The following LONRF3 variants were observed in gnomAD, a reference collection of about 807,000 sequenced individuals.
LONRF3 encodes the protein LON peptidase N-terminal domain and ring finger 3.
A neutral mutation model predicts 51.7 loss-of-function variants in LONRF3; 19 were observed. That is an observed-to-expected ratio of 0.37 (90% confidence interval 0.26 to 0.54). The LOEUF is 0.54. Among genes scored for constraint, LONRF3 ranks in the 20% least tolerant of loss-of-function variants. LONRF3 has a pLI of 0.86. For synonymous variants in LONRF3, 265 were observed against 257.8 expected (o/e 1.03, Z -0.27); for missense variants, 521 against 623.9 (o/e 0.84, Z 1.76).
At chrX:118,979,537 GC>G (rs201381722) in intron 2 of LONRF3, among the ~76,000 whole-genome samples, 9,789 of 111,401 alleles carry the variant, frequency 0.088, 718 homozygotes, top group East Asian at 0.45. Context: ...CAATCCACTT[GC>G]CTCAGTCTCC....
intron 5 of LONRF3, among the ~76,000 whole-genome samples, chrX:119,005,744 G>C (rs1015936790): frequency 2.7e-5 from 3 of 111,669 alleles, no homozygotes; most frequent in African/African-American, 6.5e-5. Flanking sequence ...GTGTTTGTGT[G>C]TGTGTGTTTA....
In LONRF3 at chrX:118,975,018, CG is replaced by C; in HGVS notation, c.243del (p.Arg82GlufsTer121). 8.5e-7 allele frequency: 1 copy of C among 1,172,505 alleles called. No homozygotes were observed. Among genetic ancestry groups the C allele is most frequent in the Non-Finnish European group, 1.1e-6 (1 of 875,886 alleles). On this transcript the variant is annotated frameshift_variant, in exon 1 of 11. Transcript: ENST00000371628. LOFTEE classifies it high-confidence loss of function. ...CACGCAGGCAGACGCCTTGGCGTCC[CG>C]GGGGCGAATCCGTGAAGCCCTCGAG... is the stretch of plus-strand genomic sequence containing the variant. ...LLTQADALAS[R>X]GRIREALEVY...
In LONRF3 at chrX:119,013,800, T is replaced by C. The variant is rs1213634371; in HGVS notation, c.1975-407T>C. 9.8e-5 allele frequency among the ~76,000 whole-genome samples: 11 copies of C among 112,097 alleles called. No homozygotes were observed. The East Asian group carries it at 3.1e-3, about 31-fold the overall frequency. ...TATCTGATGACTGAGTAAATGTGTT[T>C]GACCAAGATAGTTACATGCTGAGAC... On this transcript the variant is annotated intron_variant, in intron 9 of 10. Coordinates refer to ENST00000371628, the MANE Select transcript of LONRF3 (RefSeq NM_001031855.3).
At chrX:119,005,240 C>T (rs886837494) in intron 5 of LONRF3, among the ~76,000 whole-genome samples, 18 of 111,364 alleles carry the variant, frequency 1.6e-4, no homozygotes, top group Non-Finnish European at 2.8e-4. Context: ...GTGCAAGCCC[C>T]ACTCCTCAAC....
intron 9 of LONRF3, among the ~76,000 whole-genome samples, chrX:119,013,660 G>A (rs1925262487): frequency 8.9e-6 from 1 of 111,933 alleles, no homozygotes; most frequent in African/African-American, 3.2e-5. Flanking sequence ...ATCCCCTAAG[G>A]CAGAAAGATG....
intron 10 of LONRF3, among the ~76,000 whole-genome samples, chrX:119,016,508 C>T (rs778418021): frequency 1.0e-4 from 11 of 109,710 alleles, no homozygotes; most frequent in Middle Eastern, 4.7e-3. Context: ...CCACCGCGCC[C>T]GGCTAATTTT....
intron 2 of LONRF3, among the ~76,000 whole-genome samples, chrX:118,982,101 G>A (rs1055017869): frequency 8.9e-6 from 1 of 112,041 alleles, no homozygotes; most frequent in African/African-American, 3.2e-5. Flanking sequence ...TCCCAGAGCA[G>A]TTGGGCTTGG....
At chrX:118,995,423 C>T (rs1265875104) in intron 5 of LONRF3, among the ~76,000 whole-genome samples, 1 of 111,754 alleles carries the variant, frequency 8.9e-6, no homozygotes, top group African/African-American at 3.3e-5. Flanking sequence ...AAGGTCACAC[C>T]TCAAGGAACT....
intron 3 of LONRF3, among the ~76,000 whole-genome samples, chrX:118,986,060 ACACACAC>A (rs1569475932): frequency 0.012 from 174 of 14,328 alleles, no homozygotes; most frequent in African/African-American, 0.043. Context: ...AAACACACAC[ACACACAC>A]ACACACACAC....
At chrX:119,007,381 C>A in intron 6 of LONRF3, among the ~76,000 whole-genome samples, 1 of 111,879 alleles carries the variant, frequency 8.9e-6, no homozygotes, top group African/African-American at 3.3e-5. Context: ...TACCTGGAAG[C>A]CCTAGAGCTT....
At chrX:119,011,683 C>G in intron 7 of LONRF3, 132 bp from the exon 8 acceptor site, 1 of 577,830 alleles carries the variant, frequency 1.7e-6, no homozygotes, top group Non-Finnish European at 2.9e-6. Flanking sequence ...GTATCTTTGG[C>G]AAGTGACACT....
At chrX:119,017,221 A>C (rs1219662382) in intron 10 of LONRF3, among the ~76,000 whole-genome samples, 1 of 111,787 alleles carries the variant, frequency 8.9e-6, no homozygotes, top group East Asian at 2.8e-4. Flanking sequence ...GGAGAGAAAG[A>C]GGAAGGCAGA....
chrX:118,994,457 G>T (rs749245203), intron 5 of LONRF3, among the ~76,000 whole-genome samples: 1 of 109,782 alleles, frequency 9.1e-6, no homozygotes, highest in Admixed American at 9.6e-5. Context: ...AGGCTGGAGC[G>T]CAATGGTGTG....
rs895678546 is a variant in LONRF3 at position 118,975,341 on chromosome X, C to A, written c.561C>A (p.Ala187=). 3.6e-5 allele frequency: 44 copies of A among 1,208,729 alleles called. No individual in the cohort carries two copies. The highest frequency in any genetic ancestry group is 4.7e-5 in the Non-Finnish European group (42 of 894,730). ...FCKLCLERGR[A]ADRRCALCGV... ...AACTGTGCCTGGAACGTGGGCGGGC[C>A]GCCGACCGGCGCTGTGCGCTGTGCG... Residue 187 remains alanine (A), a synonymous_variant, in exon 1 of 11, where the codon GCC becomes GCA. Coordinates refer to ENST00000371628, the MANE Select transcript of LONRF3 (RefSeq NM_001031855.3).
intron 3 of LONRF3, among the ~76,000 whole-genome samples, chrX:118,988,389 A>C (rs1255886687): frequency 8.9e-6 from 1 of 112,073 alleles, no homozygotes; most frequent in Non-Finnish European, 1.9e-5. Flanking sequence ...ATTTCCACCC[A>C]AACTTTGCTT....
At chrX:119,016,464 C>T (rs1925467863) in intron 10 of LONRF3, among the ~76,000 whole-genome samples, 1 of 107,619 alleles carries the variant, frequency 9.3e-6, no homozygotes, top group Non-Finnish European at 1.9e-5. Context: ...TCTCCTGCCT[C>T]AGCCTCCGGA....
At chrX:118,987,445 G>GTT (rs369180848) in intron 3 of LONRF3, among the ~76,000 whole-genome samples, 9,174 of 31,922 alleles carry the variant, frequency 0.29, 2,135 homozygotes, top group Middle Eastern at 0.58. Flanking sequence ...GCCTGGCTAA[G>GTT]TTTTTTTTTT....
intron 5 of LONRF3, among the ~76,000 whole-genome samples, chrX:118,997,513 C>A (rs1489524961): frequency 8.9e-6 from 1 of 112,557 alleles, no homozygotes; most frequent in African/African-American, 3.2e-5. Flanking sequence ...ACTATAAAAA[C>A]TCTAGAAGAT....
chrX:118,993,334 TA>T (rs1225674015), intron 5 of LONRF3, among the ~76,000 whole-genome samples: 1 of 111,072 alleles, frequency 9.0e-6, no homozygotes, highest in Non-Finnish European at 1.9e-5. Context: ...GAAAAAACAA[TA>T]AAAAATTCAG....
Sources: allele counts gnomAD v4.1 joint callset (sites outside exome capture counted in the v4.1 genomes callset), GRCh38; gene constraint gnomAD v4.1.1; transcripts MANE v1.5; gene names NCBI Gene and HGNC (gene_info 2026-07-23, HGNC 2026-07-21).